Variants in CCDC68 observed in about 807,000 individuals in gnomAD.
CCDC68 encodes coiled-coil domain containing 68.
A neutral mutation model predicts 47.1 loss-of-function variants in CCDC68; 45 were observed. The ratio of observed to expected loss-of-function variants is 0.96; its 90% confidence interval spans 0.75 to 1.23. CCDC68 has a LOEUF of 1.23. CCDC68 is among the 50% of genes most tolerant of loss of function. The pLI is 0.00. For missense variants in CCDC68, 353 were observed against 373.6 expected (o/e 0.94, Z 0.45); for synonymous variants, 131 against 129.5 (o/e 1.01, Z -0.08).
intron 3 of CCDC68, among the ~76,000 whole-genome samples, chr18:54,942,011 T>C (rs1290600139): frequency 6.6e-6 from 1 of 152,156 alleles, no homozygotes; most frequent in Non-Finnish European, 1.5e-5. Flanking sequence ...TTGGTCAGAC[T>C]GGTCTCAAAC....
chr18:54,955,708 TTTTGTTTG>T (rs529541597), intron 1 of CCDC68, among the ~76,000 whole-genome samples: 12 of 152,002 alleles, frequency 7.9e-5, no homozygotes, highest in African/African-American at 1.2e-4. Flanking sequence ...AGAAGTTCTT[TTTTGTTTG>T]TTTGTTTGTT....
At chr18:54,921,713 A>G (rs2044064320) in intron 8 of CCDC68, among the ~76,000 whole-genome samples, 1 of 152,240 alleles carries the variant, frequency 6.6e-6, no homozygotes, top group Non-Finnish European at 1.5e-5. Context: ...TACACAACGA[A>G]ATCTCACTGT....
At chr18:54,918,954 G>A (rs994458334) in intron 9 of CCDC68, among the ~76,000 whole-genome samples, 1 of 152,182 alleles carries the variant, frequency 6.6e-6, no homozygotes, top group Admixed American at 6.5e-5. Context: ...AGGAAGGGCT[G>A]AATCTCCTGA....
At chr18:54,908,437 A>T (rs949322048) in intron 10 of CCDC68, among the ~76,000 whole-genome samples, 1 of 152,206 alleles carries the variant, frequency 6.6e-6, no homozygotes, top group Non-Finnish European at 1.5e-5. Flanking sequence ...AATATTTTAC[A>T]TCTGGAAGCA....
intron 1 of CCDC68, among the ~76,000 whole-genome samples, chr18:54,948,738 A>T (rs117824315): frequency 0.031 from 4,779 of 152,290 alleles, 99 homozygotes; most frequent in Admixed American, 0.053. Flanking sequence ...TAAACAAACG[A>T]GTAAATATAG....
At chr18:54,929,652 T>C (rs1021024444) in intron 7 of CCDC68, among the ~76,000 whole-genome samples, 4 of 152,114 alleles carry the variant, frequency 2.6e-5, no homozygotes, top group Admixed American at 6.5e-5. Flanking sequence ...AAGGCAGGAA[T>C]TGGTATTGGC....
At chr18:54,935,132 A>G (rs1357223577) in intron 6 of CCDC68, among the ~76,000 whole-genome samples, 184 bp from the exon 7 acceptor site, 1 of 152,252 alleles carries the variant, frequency 6.6e-6, no homozygotes, top group Non-Finnish European at 1.5e-5. Flanking sequence ...AACATTAAAT[A>G]GAGAATTAAT....
intron 6 of CCDC68, 139 bp downstream of exon 6, chr18:54,936,694 A>G: frequency 9.7e-7 from 1 of 1,029,940 alleles, no homozygotes; most frequent in Non-Finnish European, 1.4e-6. Context: ...AAAAGAGACA[A>G]GCACACCGCT....
chr18:54,928,806 C>A lies in CCDC68; in HGVS notation c.677G>T (p.Gly226Val). 6.2e-7 allele frequency: 1 copy of A among 1,608,198 alleles called. No homozygotes were observed. Among genetic ancestry groups the A allele is most frequent in the Non-Finnish European group, 8.5e-7 (1 of 1,174,980 alleles). ...LLQLKSSATY[G>V]KSCQDLQREI... ...AACAGGTAGCTTCACAAACCTTTTT[C>A]CATATGTAGCACTGGATTTGAGTTG... Residue 226 changes from glycine to valine, a missense_variant, in exon 8 of 12, where the codon GGA becomes GTA. By Grantham distance (109) the Gly-to-Val change is moderately radical (BLOSUM62 -3). Transcript: ENST00000591504.
chr18:54,947,049 T>A (rs1293551347), intron 1 of CCDC68, among the ~76,000 whole-genome samples: 1 of 152,214 alleles, frequency 6.6e-6, no homozygotes, highest in Non-Finnish European at 1.5e-5. Flanking sequence ...GAGTCCTTGG[T>A]TGGTATAAAG....
intron 1 of CCDC68, among the ~76,000 whole-genome samples, chr18:54,948,576 CAA>C (rs1005230113): frequency 9.2e-5 from 14 of 152,180 alleles, no homozygotes; most frequent in African/African-American, 3.1e-4. Context: ...GAGACTGTAA[CAA>C]GAGTGTTTCC....
At chr18:54,957,359 G>C (rs902066613) in intron 1 of CCDC68, among the ~76,000 whole-genome samples, 5 of 152,178 alleles carry the variant, frequency 3.3e-5, no homozygotes, top group Admixed American at 6.5e-5. Context: ...TGTCGAAATT[G>C]AATGGATCAT....
intron 2 of CCDC68, among the ~76,000 whole-genome samples, chr18:54,943,893 C>G (rs2044477365): frequency 6.6e-6 from 1 of 152,126 alleles, no homozygotes; most frequent in Admixed American, 6.6e-5. Context: ...TGGTGGCTCA[C>G]ATCTGTAATC....
At chr18:54,906,530 C>T (rs1568129429) in intron 11 of CCDC68, among the ~76,000 whole-genome samples, 1 of 152,062 alleles carries the variant, frequency 6.6e-6, no homozygotes, top group Non-Finnish European at 1.5e-5. Context: ...CCATTCTGGC[C>T]CCATTCCCTC....
chr18:54,938,140 C>A, intron 4 of CCDC68, 43 bp from the exon 5 acceptor site: 1 of 1,567,254 alleles, frequency 6.4e-7, no homozygotes, highest in South Asian at 1.2e-5. Context: ...CTATCTTTTC[C>A]TCTACAAACT....
chr18:54,926,399 C>T (rs2044145713), intron 8 of CCDC68, among the ~76,000 whole-genome samples: 1 of 152,152 alleles, frequency 6.6e-6, no homozygotes, highest in Admixed American at 6.5e-5. Flanking sequence ...CTTATAAAAC[C>T]ATCAGAACTT....
chr18:54,912,724 T>A (rs1476252827), intron 10 of CCDC68, among the ~76,000 whole-genome samples: 1 of 152,124 alleles, frequency 6.6e-6, no homozygotes, highest in Non-Finnish European at 1.5e-5. Flanking sequence ...GGGTAATTTA[T>A]AAAGGAAAGA....
intron 1 of CCDC68, among the ~76,000 whole-genome samples, chr18:54,950,788 G>GTGTATATATATATATATATA (rs994670303): frequency 2.1e-5 from 2 of 97,304 alleles, no homozygotes; most frequent in African/African-American, 7.8e-5. Context: ...TATCTTCAGT[G>GTGTATATATATATATATATA]TATATATATA....
At chr18:54,950,971 C>T (rs1282193708) in intron 1 of CCDC68, among the ~76,000 whole-genome samples, 1 of 121,674 alleles carries the variant, frequency 8.2e-6, no homozygotes, top group Non-Finnish European at 1.6e-5. Context: ...TGCAGTGGCG[C>T]GATCTCGGCT....
Sources: gnomAD v4.1 joint callset for allele counts (sites outside exome capture counted in the v4.1 genomes callset) on GRCh38, gnomAD v4.1.1 for gene constraint, MANE v1.5 for transcripts, NCBI Gene and HGNC (gene_info 2026-07-23, HGNC 2026-07-21) for gene names.